Variants in DUSP22 observed in about 807,000 individuals in gnomAD.
DUSP22 encodes dual specificity phosphatase 22, also known as dual specificity protein phosphatase 22.
In DUSP22, 24 loss-of-function variants were observed where a neutral mutation model predicts 24.5. The ratio of observed to expected loss-of-function variants is 0.98; its 90% confidence interval spans 0.71 to 1.38. The LOEUF is 1.38. Ranked by LOEUF, DUSP22 falls within the 40% of genes most tolerant of loss-of-function variation. The pLI is 0.00. For missense variants in DUSP22, 330 were observed against 269.2 expected (o/e 1.23, Z -1.58); for synonymous variants, 160 against 106.4 (o/e 1.50, Z -3.10).
chr6:339,495 T>C (rs1459854319), intron 4 of DUSP22, among the ~76,000 whole-genome samples: 1 of 152,312 alleles, frequency 6.6e-6, no homozygotes, highest in African/African-American at 2.4e-5. Context: ...TGCTTTAATA[T>C]ATATTACATT....
At chr6:317,257 G>A (rs533404167) in intron 3 of DUSP22, among the ~76,000 whole-genome samples, 15 of 152,396 alleles carry the variant, frequency 9.8e-5, no homozygotes, top group East Asian at 1.9e-4. Context: ...AGTGCCCAGC[G>A]GCCACGTGGG....
At chr6:299,713 C>A (rs1239610579) in intron 1 of DUSP22, among the ~76,000 whole-genome samples, 1 of 152,304 alleles carries the variant, frequency 6.6e-6, no homozygotes, top group African/African-American at 2.4e-5. Context: ...ATCTTCAATT[C>A]CTTTTAAGAA....
At chr6:341,767 T>C (rs1759619558) in intron 4 of DUSP22, among the ~76,000 whole-genome samples, 1 of 152,300 alleles carries the variant, frequency 6.6e-6, no homozygotes, top group Admixed American at 6.5e-5. Context: ...GACTTAACTC[T>C]TACTACAGAC....
rs1241755750 is a variant in DUSP22, at chr6:325,186, C to A, written c.139-9928C>A. 1.3e-5 allele frequency: 3 copies of A among 232,032 alleles called. No homozygotes were observed. The East Asian group carries it at 4.9e-4, about 38-fold the overall frequency. 14.4% of individuals were successfully genotyped at this position (232,032 alleles called of 1,614,324 possible). On this transcript the variant is annotated intron_variant, in intron 3 of 6. Coordinates refer to ENST00000419235, the MANE Select transcript of DUSP22 (RefSeq NM_001286555.3). Reference sequence around the variant, plus strand: ...GTGTGCAGTGCTGTATCTGCTGGTGCCTGGAGAGTCATCTGCCCTGGGCTT... The same window carrying A: ...GTGTGCAGTGCTGTATCTGCTGGTGACTGGAGAGTCATCTGCCCTGGGCTT...
intron 1 of DUSP22, among the ~76,000 whole-genome samples, chr6:301,247 C>T (rs960147227): frequency 6.6e-6 from 1 of 152,156 alleles, no homozygotes; most frequent in Admixed American, 6.5e-5. Context: ...GGTTTTCGAG[C>T]ATACCCAAGG....
intron 2 of DUSP22, among the ~76,000 whole-genome samples, chr6:307,982 A>G (rs1167991061): frequency 1.3e-5 from 2 of 152,310 alleles, no homozygotes; most frequent in East Asian, 1.9e-4. Context: ...TCTAACTGAT[A>G]ACCTTCCTGT....
intron 4 of DUSP22, among the ~76,000 whole-genome samples, chr6:344,170 A>G (rs1373656353): frequency 1.3e-5 from 2 of 150,998 alleles, no homozygotes; most frequent in East Asian, 1.9e-4. Flanking sequence ...GCAACCAGGC[A>G]CTCCCTGAAC....
At chr6:301,809 G>C (rs1300503981) in intron 1 of DUSP22, among the ~76,000 whole-genome samples, 1 of 152,306 alleles carries the variant, frequency 6.6e-6, no homozygotes, top group Non-Finnish European at 1.5e-5. Flanking sequence ...GTTTGCTTGA[G>C]ATAGTCCTGC....
At chr6:298,801 C>T (rs1276301406) in intron 1 of DUSP22, among the ~76,000 whole-genome samples, 2 of 152,302 alleles carry the variant, frequency 1.3e-5, no homozygotes, top group Non-Finnish European at 2.9e-5. Flanking sequence ...CAGACTTCCT[C>T]TTAGCGTGTT....
chr6:301,761 G>C (rs2063435), intron 1 of DUSP22, among the ~76,000 whole-genome samples: 2,031 of 151,682 alleles, frequency 0.013, 2 homozygotes, highest in Non-Finnish European at 0.021. Flanking sequence ...GCACCATCAG[G>C]GGCAGGAGGA....
chr6:339,296 T>C (rs1759491680), intron 4 of DUSP22, among the ~76,000 whole-genome samples: 1 of 152,312 alleles, frequency 6.6e-6, no homozygotes, highest in African/African-American at 2.4e-5. Flanking sequence ...CTCTCTTCTC[T>C]CATCTGTAAA....
chr6:334,649 G>A (rs557789076), intron 3 of DUSP22, among the ~76,000 whole-genome samples: 10 of 152,416 alleles, frequency 6.6e-5, no homozygotes, highest in East Asian at 5.8e-4. Flanking sequence ...TAGCTGTCAT[G>A]GTACTAAAAT....
intron 3 of DUSP22, 59 bp from the exon 4 acceptor site, chr6:335,054 CT>C: frequency 1.3e-6 from 2 of 1,571,528 alleles, no homozygotes; most frequent in Non-Finnish European, 1.7e-6. Flanking sequence ...TCCTTAAATA[CT>C]TTTCTCCACT....
rs1469236575 is a variant in DUSP22, at chr6:292,527, G to A, written c.-13G>A. The A allele has an allele frequency of 1.9e-6, 3 of 1,605,026 alleles. No individual in the cohort carries two copies. The South Asian group carries it at 3.3e-5, about 18-fold the overall frequency. On this transcript the variant is annotated 5_prime_UTR_variant, in exon 1 of 7. Transcript: ENST00000419235. Reference sequence around the variant, plus strand: ...CCACACGGCCGGGGCGCTAGCGTTCGCCTTCAGCCACCATGGGGAATGGGA... The same window carrying A: ...CCACACGGCCGGGGCGCTAGCGTTCACCTTCAGCCACCATGGGGAATGGGA...
intron 3 of DUSP22, among the ~76,000 whole-genome samples, chr6:328,524 G>A (rs1355869164): frequency 1.3e-5 from 2 of 152,306 alleles, no homozygotes; most frequent in Non-Finnish European, 2.9e-5. Context: ...TCATTTGCAT[G>A]TTGTCTCACA....
intron 3 of DUSP22, among the ~76,000 whole-genome samples, chr6:324,159 T>A (rs1212147283): frequency 6.6e-6 from 1 of 152,306 alleles, no homozygotes; most frequent in Non-Finnish European, 1.5e-5. Context: ...GCCGCATGGC[T>A]ACCCCAGTGA....
At chr6:305,836 C>T (rs1207489446) in intron 2 of DUSP22, among the ~76,000 whole-genome samples, 1 of 152,304 alleles carries the variant, frequency 6.6e-6, no homozygotes, top group Non-Finnish European at 1.5e-5. Context: ...ATGCTCCTCC[C>T]TTCCCTAACA....
chr6:336,700 G>C, intron 4 of DUSP22, among the ~76,000 whole-genome samples: 1 of 152,312 alleles, frequency 6.6e-6, no homozygotes, highest in East Asian at 1.9e-4. Flanking sequence ...TTCACAGAAA[G>C]GTGAACGTTT....
chr6:350,010 T>C lies in DUSP22; in HGVS notation c.*1059T>C. ...GGAAGAAAGAGCATTTATTAGGCAC[T>C]GTAGCAATTTGCATTTTAAAATGCC... is the stretch of plus-strand genomic sequence containing the variant. On this transcript the variant is annotated 3_prime_UTR_variant, in exon 7 of 7. Coordinates refer to ENST00000419235, the MANE Select transcript of DUSP22 (RefSeq NM_001286555.3). 1 of 985,718 alleles carries C rather than the reference T, an allele frequency of 1.0e-6. No homozygotes were observed. The highest frequency in any genetic ancestry group is 1.2e-6 in the Non-Finnish European group (1 of 830,054). The allele number at this position is 985,718 out of a possible 1,614,324, so 61.1% of individuals were successfully genotyped here.
Sources: allele counts gnomAD v4.1 joint callset (sites outside exome capture counted in the v4.1 genomes callset), GRCh38; gene constraint gnomAD v4.1.1; transcripts MANE v1.5; gene names NCBI Gene and HGNC (gene_info 2026-07-23, HGNC 2026-07-21).